FAM184A: variants seen among roughly 807,000 people sequenced by gnomAD.
FAM184A encodes the protein protein FAM184A.
In FAM184A, 99 loss-of-function variants were observed where a neutral mutation model predicts 143.8. The ratio of observed to expected loss-of-function variants is 0.69; its 90% CI spans 0.58 to 0.81. FAM184A has a LOEUF of 0.81. Among genes scored for constraint, FAM184A ranks in the 40% least tolerant of loss-of-function variants. FAM184A has a pLI of 0.00. For synonymous variants in FAM184A, 427 were observed against 446.4 expected, an observed-to-expected ratio of 0.96 and a Z score of 0.55; for missense variants, 1,217 against 1,310.5, an observed-to-expected ratio of 0.93 and a Z score of 1.10.
At chr6:119,101,842 G>A (rs1048099722) in intron 1 of FAM184A, among the ~76,000 whole-genome samples, 2 of 152,086 alleles carry the variant, frequency 1.3e-5, no homozygotes. Context: ...CATCACCCGA[G>A]GTCAGGAGTT....
At chr6:119,063,641 A>T (rs960303613) in intron 1 of FAM184A, among the ~76,000 whole-genome samples, 5 of 152,196 alleles carry the variant, frequency 3.3e-5, no homozygotes, top group Non-Finnish European at 5.9e-5. Context: ...ATCTAGTATC[A>T]ACCTCTTGGG....
chr6:119,068,684 G>A (rs904302531), intron 1 of FAM184A, among the ~76,000 whole-genome samples: 24 of 152,078 alleles, frequency 1.6e-4, no homozygotes, highest in Admixed American at 2.6e-4. Flanking sequence ...GTGGCTCTCC[G>A]GCTGCCCATG....
chr6:119,133,011 TGA>T (rs1789576578), intron 1 of FAM184A, among the ~76,000 whole-genome samples: 3 of 152,226 alleles, frequency 2.0e-5, no homozygotes, highest in Non-Finnish European at 4.4e-5. Context: ...ACTACTGGTT[TGA>T]GGCTTCTCAC....
rs536288572 is a variant in FAM184A at position 119,055,709 on chromosome 6, T to C, written c.159+22432A>G. On this transcript the variant is annotated intron_variant, in intron 1 of 17. Coordinates refer to ENST00000338891, the MANE Select transcript of FAM184A (RefSeq NM_024581.6). ...TATATATCTCTGGTGTAAAATCTCA[T>C]ATACTGCATTTCTTTGGGTATCACA... Among the ~76,000 whole-genome samples the C allele has an allele frequency of 2.4e-4, 37 of 152,338 alleles. 1 individual carries two copies. The South Asian group carries it at 7.5e-3, about 31-fold the overall frequency.
chr6:119,125,359 T>TCCG (rs1562160331), intron 1 of FAM184A, among the ~76,000 whole-genome samples: 1 of 152,184 alleles, frequency 6.6e-6, no homozygotes. Context: ...CACTGCAACC[T>TCCG]CCGCCTCCCA....
chr6:118,969,130 G>A (rs1202964274), intron 14 of FAM184A, among the ~76,000 whole-genome samples: 1 of 152,028 alleles, frequency 6.6e-6, no homozygotes, highest in East Asian at 1.9e-4. Context: ...CCCTTGCTTG[G>A]CCCTTCTTCT....
Position 119,024,187 on chromosome 6 carries a change from C to T in FAM184A, c.786G>A (p.Glu262=). The T allele has an allele frequency of 6.2e-7, 1 of 1,614,212 alleles. No homozygotes were observed. Among genetic ancestry groups the T allele is most frequent in the Non-Finnish European group, 8.5e-7 (1 of 1,180,036 alleles). The change falls in exon 2 of 18, where the codon GAG becomes GAA. Residue 262 remains glutamate, a synonymous_variant. Transcript: ENST00000338891. The part of the protein sequence containing the change: ...LNKAQSFYER[E]LDTLKRSQLF... ...GCTGTGACCTTTTCAAAGTATCAAG[C>T]TCACGTTCATAAAAGGACTGAGCTT... is the stretch of plus-strand genomic sequence containing the variant.
chr6:119,072,426 T>C (rs1027786075), intron 1 of FAM184A, among the ~76,000 whole-genome samples: 1 of 152,240 alleles, frequency 6.6e-6, no homozygotes, highest in African/African-American at 2.4e-5. Flanking sequence ...TGCTATGTTT[T>C]ATGAGGCCAC....
At chr6:119,044,547 C>A (rs1234335855) in intron 1 of FAM184A, among the ~76,000 whole-genome samples, 1 of 150,546 alleles carries the variant, frequency 6.6e-6, no homozygotes. Flanking sequence ...CTTGTCACTG[C>A]ATTTCAGCCT....
chr6:119,012,055 A>C (rs2114661433), intron 5 of FAM184A, among the ~76,000 whole-genome samples: 1 of 152,332 alleles, frequency 6.6e-6, no homozygotes, highest in East Asian at 1.9e-4. Flanking sequence ...TGGAAGGGGA[A>C]CTAATAACGT....
chr6:119,036,509 T>C (rs1397570916), intron 1 of FAM184A, among the ~76,000 whole-genome samples: 4 of 152,108 alleles, frequency 2.6e-5, no homozygotes, highest in Non-Finnish European at 4.4e-5. Flanking sequence ...TAAAGTCTAA[T>C]AATGTTGGAG....
intron 1 of FAM184A, among the ~76,000 whole-genome samples, chr6:119,113,750 G>A (rs1178736053): frequency 6.6e-6 from 1 of 152,040 alleles, no homozygotes; most frequent in Non-Finnish European, 1.5e-5. Context: ...AGCCAGCCTG[G>A]CCAACATGGT....
At chr6:119,056,731 A>G (rs1393613516) in intron 1 of FAM184A, among the ~76,000 whole-genome samples, 1 of 151,166 alleles carries the variant, frequency 6.6e-6, no homozygotes, top group Non-Finnish European at 1.5e-5. Flanking sequence ...AGAAAAGCCC[A>G]ACCATCACAA....
intron 16 of FAM184A, chr6:118,963,807 T>C (rs1194890744): frequency 6.6e-6 from 1 of 151,978 alleles, no homozygotes; most frequent in Non-Finnish European, 1.5e-5. Flanking sequence ...CTTTATGACT[T>C]CCTTTATTCA....
chr6:119,069,904 T>A (rs896650136), intron 1 of FAM184A, among the ~76,000 whole-genome samples: 5 of 152,170 alleles, frequency 3.3e-5, no homozygotes, highest in Non-Finnish European at 7.4e-5. Context: ...ATAATTTAAA[T>A]ATTAGTAATG....
At chr6:119,144,618 A>G (rs1448554363) in intron 1 of FAM184A, among the ~76,000 whole-genome samples, 1 of 152,200 alleles carries the variant, frequency 6.6e-6, no homozygotes, top group Non-Finnish European at 1.5e-5. Context: ...TTTCTTTGCT[A>G]GTAGGTGAGC....
intron 1 of FAM184A, among the ~76,000 whole-genome samples, chr6:119,067,142 T>C (rs1053358214): frequency 4.6e-5 from 7 of 152,220 alleles, no homozygotes; most frequent in Non-Finnish European, 8.8e-5. Flanking sequence ...AAGATTACAA[T>C]TAACATACAA....
At chr6:119,074,222 C>T (rs575982513) in intron 1 of FAM184A, among the ~76,000 whole-genome samples, 2 of 152,324 alleles carry the variant, frequency 1.3e-5, no homozygotes, top group African/African-American at 4.8e-5. Context: ...TTCACTTCTT[C>T]CTTGACCAAC....
intron 5 of FAM184A, among the ~76,000 whole-genome samples, chr6:119,012,620 C>T (rs763870548): frequency 6.6e-5 from 10 of 152,180 alleles, no homozygotes; most frequent in East Asian, 1.9e-4. Context: ...GGTTTTTTAT[C>T]GGCAACTGAT....
Sources: allele counts gnomAD v4.1 joint callset (sites outside exome capture counted in the v4.1 genomes callset), GRCh38; gene constraint gnomAD v4.1.1; transcripts MANE v1.5; gene names NCBI Gene and HGNC (gene_info 2026-07-23, HGNC 2026-07-21).